Variants in C16orf78 observed in about 807,000 individuals in gnomAD.
C16orf78 encodes the protein chromosome 16 open reading frame 78.
A neutral mutation model predicts 27.3 loss-of-function variants in C16orf78; 19 were observed. The ratio of observed to expected loss-of-function variants is 0.70; its 90% CI spans 0.49 to 1.02. The LOEUF (loss-of-function observed/expected upper bound fraction) is 1.02, where lower values mean the gene tolerates loss of function less well. Ranked by LOEUF, C16orf78 falls within the 50% of genes least tolerant of loss-of-function variation. C16orf78 has a pLI of 0.00. For synonymous variants in C16orf78, 130 were observed against 116.1 expected (o/e 1.12, Z -0.77); for missense variants, 339 against 337.0 (o/e 1.01, Z -0.05).
Position 49,399,160 on chromosome 16 carries a change from G to C in C16orf78, c.680G>C (p.Arg227Pro). The stretch of plus-strand genomic sequence containing the variant: ...CTGAGGTTATCCAAGGAGAACATTC[G>C]GACCTTGCTCAAGTTGTGCAAGGAT... ...RYLRLSKENI[R>P]TLLKLCKDAG... is the part of the protein sequence containing the mutation. Residue 227 changes from arginine to proline, a missense_variant, in exon 5 of 5, where the codon CGG (arginine) becomes CCG (proline). By Grantham distance (103) the Arg-to-Pro change is moderately radical (BLOSUM62 -2). Coordinates refer to ENST00000299191, the MANE Select transcript of C16orf78 (RefSeq NM_144602.4). 6.2e-7 allele frequency: 1 copy of C among 1,614,094 alleles called. No homozygotes were observed. Among genetic ancestry groups the C allele is most frequent in the Non-Finnish European group, 8.5e-7 (1 of 1,180,002 alleles).
chr16:49,376,656 C>T (rs9939459), intron 1 of C16orf78, among the ~76,000 whole-genome samples: 35,946 of 151,978 alleles, frequency 0.24, 5,232 homozygotes, highest in African/African-American at 0.42. Flanking sequence ...AATGGCTTAT[C>T]GAAACTTCCC....
At position 49,399,262 on chromosome 16, in the gene C16orf78, C is replaced by A; in HGVS notation, c.782C>A (p.Pro261His). Residue 261 changes from proline to histidine, a missense_variant, in exon 5 of 5, where the codon CCC becomes CAC. Transcript: ENST00000299191. ...GCTAAAAAGGTGTTCACCGGAATACCCAGCATGGCCCTCTAAATAGCTCCT... is the reference window on the plus strand; with the variant it reads ...GCTAAAAAGGTGTTCACCGGAATACACAGCATGGCCCTCTAAATAGCTCCT... ...IDAKKVFTGI[P>H]SMAL The A allele has an allele frequency of 6.2e-7, 1 of 1,614,080 alleles. No individual in the cohort carries two copies. Among genetic ancestry groups the A allele is most frequent in the Non-Finnish European group, 8.5e-7 (1 of 1,179,986 alleles).
At chr16:49,399,039 T>A (rs1280549877) in intron 4 of C16orf78, 92 bp from the exon 5 acceptor site, 16 of 1,399,252 alleles carry the variant, frequency 1.1e-5, no homozygotes, top group Non-Finnish European at 1.6e-5. Flanking sequence ...GCACCCACAC[T>A]TACTGCTGCT....
At chr16:49,392,854 A>G (rs1965429228) in intron 3 of C16orf78, among the ~76,000 whole-genome samples, 1 of 152,212 alleles carries the variant, frequency 6.6e-6, no homozygotes, top group Non-Finnish European at 1.5e-5. Context: ...CTTGAATTGT[A>G]GTTCCCACAA....
At chr16:49,385,640 G>A (rs1318301758) in intron 3 of C16orf78, among the ~76,000 whole-genome samples, 1 of 148,638 alleles carries the variant, frequency 6.7e-6, no homozygotes. Flanking sequence ...GGGTGACAGA[G>A]TGAGACTCCA....
intron 3 of C16orf78, among the ~76,000 whole-genome samples, chr16:49,391,725 T>C (rs1486596909): frequency 6.6e-6 from 1 of 152,232 alleles, no homozygotes; most frequent in East Asian, 1.9e-4. Context: ...CTAATCTGTG[T>C]AATTGTCATT....
chr16:49,392,679 T>C (rs555972741), intron 3 of C16orf78, among the ~76,000 whole-genome samples: 1 of 152,336 alleles, frequency 6.6e-6, no homozygotes, highest in South Asian at 2.1e-4. Context: ...CATACAGTTA[T>C]AGTGGTACAT....
intron 3 of C16orf78, among the ~76,000 whole-genome samples, chr16:49,395,688 C>G (rs1337915636): frequency 6.6e-6 from 1 of 152,210 alleles, no homozygotes; most frequent in Non-Finnish European, 1.5e-5. Flanking sequence ...GCCTGCGATC[C>G]TTTCCTTCCT....
chr16:49,392,668 A>G (rs932823747), intron 3 of C16orf78, among the ~76,000 whole-genome samples: 5 of 152,208 alleles, frequency 3.3e-5, no homozygotes, highest in African/African-American at 1.2e-4. Context: ...AACCTGCTAA[A>G]CATACAGTTA....
At chr16:49,377,884 C>G in intron 2 of C16orf78, 34 bp downstream of exon 2, 2 of 1,551,284 alleles carry the variant, frequency 1.3e-6, no homozygotes, top group Non-Finnish European at 1.7e-6. Context: ...CTCACCCCCA[C>G]TGGGTCTCCA....
chr16:49,392,766 G>T (rs1596930854), intron 3 of C16orf78, among the ~76,000 whole-genome samples: 1 of 152,196 alleles, frequency 6.6e-6, no homozygotes, highest in East Asian at 1.9e-4. Context: ...TGTCGCTGAT[G>T]CCTGGTGTAT....
chr16:49,383,749 T>C (rs989311529), intron 3 of C16orf78, among the ~76,000 whole-genome samples: 3 of 152,142 alleles, frequency 2.0e-5, no homozygotes, highest in African/African-American at 7.2e-5. Flanking sequence ...TCTCAGAACT[T>C]TCGGAGGCCA....
chr16:49,398,729 A>G (rs901796024), intron 4 of C16orf78, among the ~76,000 whole-genome samples: 15 of 152,216 alleles, frequency 9.9e-5, no homozygotes, highest in Admixed American at 5.9e-4. Flanking sequence ...GAGGTAGTCC[A>G]TTATCAGATT....
chr16:49,385,454 G>A (rs930104634), intron 3 of C16orf78, among the ~76,000 whole-genome samples: 2 of 152,040 alleles, frequency 1.3e-5, no homozygotes, highest in African/African-American at 2.4e-5. Context: ...GTTGGATCAC[G>A]AGGTCAGGAC....
At chr16:49,378,381 C>G in intron 2 of C16orf78, 89 bp from the exon 3 acceptor site, 4 of 1,498,502 alleles carry the variant, frequency 2.7e-6, no homozygotes, top group Non-Finnish European at 2.7e-6. Context: ...TTTGGCAAAC[C>G]CTTGAAATTG....
In C16orf78 at chr16:49,399,421, C is replaced by A; in HGVS notation, c.*143C>A. 1 of 991,510 alleles carries A rather than the reference C, an allele frequency of 1.0e-6. No homozygotes were observed. Among genetic ancestry groups the A allele is most frequent in the Non-Finnish European group, 1.5e-6 (1 of 687,402 alleles). 61.4% of individuals were successfully genotyped at this position (991,510 alleles called of 1,614,324 possible). ...TAAGCAATCAGAAAACAAGCCTCGG[C>A]TGTGTGATCATTGTGCTTCCGTAAG... On this transcript the variant is annotated 3_prime_UTR_variant, in exon 5 of 5. Coordinates refer to ENST00000299191, the MANE Select transcript of C16orf78 (RefSeq NM_144602.4).
chr16:49,390,688 C>A lies in C16orf78; in HGVS notation c.395-5735C>A, dbSNP rs148843998. Reference sequence around the variant, plus strand: ...ACTAATTCTTTCACTAGAGTACTTTCTTTTCCGGCTTGTGCCGATTAGTCC... The same window carrying A: ...ACTAATTCTTTCACTAGAGTACTTTATTTTCCGGCTTGTGCCGATTAGTCC... On this transcript the variant is annotated intron_variant, in intron 3 of 4. Coordinates refer to ENST00000299191, the MANE Select transcript of C16orf78 (RefSeq NM_144602.4). 3.1e-3 allele frequency among the ~76,000 whole-genome samples: 479 copies of A among 152,324 alleles called. 10 individuals carry two copies. The East Asian group carries it at 0.036, about 12-fold the overall frequency.
At chr16:49,381,118 T>A (rs1373372816) in intron 3 of C16orf78, among the ~76,000 whole-genome samples, 1 of 152,240 alleles carries the variant, frequency 6.6e-6, no homozygotes, top group Non-Finnish European at 1.5e-5. Context: ...CGATGCGAGC[T>A]GTTTTTTGGT....
rs750571571 is a variant in C16orf78 at position 49,396,695 on chromosome 16, C to T, written c.650+17C>T. The T allele has an allele frequency of 5.6e-6, 9 of 1,601,426 alleles. No homozygotes were observed. The highest frequency in any genetic ancestry group is 3.3e-5 in the South Asian group (3 of 90,662). On this transcript the variant is annotated intron_variant, in intron 4 of 4. Coordinates refer to ENST00000299191, the MANE Select transcript of C16orf78 (RefSeq NM_144602.4). ...GAGCTGCCGGTGAGAGCTGCCACCC[C>T]CTGGGCAGATGGGGTGGGGTCCTGG...
Sources: allele counts gnomAD v4.1 joint callset (sites outside exome capture counted in the v4.1 genomes callset), GRCh38; gene constraint gnomAD v4.1.1; transcripts MANE v1.5; gene names NCBI Gene and HGNC (gene_info 2026-07-23, HGNC 2026-07-21).